Variants in UBE2R2 observed in about 807,000 individuals in gnomAD.
The protein encoded by UBE2R2 is ubiquitin-conjugating enzyme E2 R2.
UBE2R2 carries 1 observed loss-of-function variant against 27.8 expected under a neutral mutation model. The ratio of observed to expected loss-of-function variants is 0.04; its 90% confidence interval spans 0.01 to 0.17. The LOEUF (loss-of-function observed/expected upper bound fraction) is 0.17, where lower values mean the gene tolerates loss of function less well. UBE2R2 is among the 10% of genes least tolerant of loss of function. The probability of loss-of-function intolerance (pLI) is 1.00; values close to 1 mark genes in which losing one functional copy is unlikely to be tolerated. For synonymous variants in UBE2R2, 106 were observed against 113.3 expected (o/e 0.94, Z 0.41); for missense variants, 100 against 291.0 (o/e 0.34, Z 4.78).
intron 1 of UBE2R2, among the ~76,000 whole-genome samples, chr9:33,849,363 A>G (rs1820914877): frequency 6.6e-6 from 1 of 152,206 alleles, no homozygotes; most frequent in African/African-American, 2.4e-5. Context: ...AGGTGTGTAT[A>G]TACACAAACA....
At chr9:33,837,179 T>C (rs1820632347) in intron 1 of UBE2R2, among the ~76,000 whole-genome samples, 1 of 152,242 alleles carries the variant, frequency 6.6e-6, no homozygotes, top group Non-Finnish European at 1.5e-5. Context: ...TAGAACAGTC[T>C]GAATTAATTC....
chr9:33,838,768 C>G (rs1331810314), intron 1 of UBE2R2, among the ~76,000 whole-genome samples: 1 of 152,014 alleles, frequency 6.6e-6, no homozygotes, highest in Non-Finnish European at 1.5e-5. Flanking sequence ...TCTAAAGCAA[C>G]AGTATTATTG....
At chr9:33,874,452 G>A (rs1821560099) in intron 1 of UBE2R2, among the ~76,000 whole-genome samples, 1 of 151,852 alleles carries the variant, frequency 6.6e-6, no homozygotes, top group Non-Finnish European at 1.5e-5. Flanking sequence ...TTCCTCCGTT[G>A]CCCTCTGTTC....
At chr9:33,904,126 A>G (rs1363503520) in intron 3 of UBE2R2, among the ~76,000 whole-genome samples, 1 of 152,310 alleles carries the variant, frequency 6.6e-6, no homozygotes, top group East Asian at 1.9e-4. Flanking sequence ...GATGTGGAAT[A>G]CTTTCGCTTA....
chr9:33,828,737 G>GT (rs111302398), intron 1 of UBE2R2, among the ~76,000 whole-genome samples: 85 of 145,942 alleles, frequency 5.8e-4, no homozygotes, highest in Middle Eastern at 3.6e-3. Flanking sequence ...AATTTTTGTA[G>GT]TTTTTTTTTT....
intron 1 of UBE2R2, among the ~76,000 whole-genome samples, chr9:33,830,448 C>T (rs1424332697): frequency 6.7e-6 from 1 of 149,830 alleles, no homozygotes; most frequent in Admixed American, 6.6e-5. Context: ...TGAGCCACTG[C>T]GCCCGGCCTC....
intron 1 of UBE2R2, among the ~76,000 whole-genome samples, chr9:33,859,759 T>TG (rs1250359909): frequency 1.2e-4 from 14 of 117,178 alleles, no homozygotes; most frequent in Non-Finnish European, 2.1e-4. Flanking sequence ...ATCTAAGCCT[T>TG]TTGTGTGTGT....
chr9:33,838,324 C>T (rs1820659451), intron 1 of UBE2R2, among the ~76,000 whole-genome samples: 1 of 148,888 alleles, frequency 6.7e-6, no homozygotes. Context: ...TGGTAGAACC[C>T]AGGGATATGG....
intron 1 of UBE2R2, among the ~76,000 whole-genome samples, chr9:33,856,505 T>C (rs1821103931): frequency 2.0e-5 from 3 of 152,174 alleles, no homozygotes; most frequent in Admixed American, 2.0e-4. Flanking sequence ...GATTTACTAT[T>C]GTGGAACATG....
Position 33,817,652 on chromosome 9 carries a change from T to C in UBE2R2, c.-106T>C. On this transcript the variant is annotated 5_prime_UTR_variant, in exon 1 of 5. Coordinates refer to ENST00000263228, the MANE Select transcript of UBE2R2 (RefSeq NM_017811.4). ...CGGGTGTGTGAAGACCGGGGCCCGG[T>C]GCTGCCCGGCCGGAGGGCGAGCGGA... 1 of 1,143,472 alleles carries C rather than the reference T, an allele frequency of 8.7e-7. No homozygotes were observed. Among genetic ancestry groups the C allele is most frequent in the Non-Finnish European group, 1.1e-6 (1 of 934,246 alleles). The allele number at this position is 1,143,472 out of a possible 1,614,324, so 70.8% of individuals were successfully genotyped here.
intron 1 of UBE2R2, among the ~76,000 whole-genome samples, chr9:33,842,294 G>A (rs1306749906): frequency 2.0e-5 from 3 of 152,106 alleles, no homozygotes; most frequent in Non-Finnish European, 4.4e-5. Flanking sequence ...CCAGATACGC[G>A]GAAGGCTGAG....
At chr9:33,860,036 G>C (rs1292340379) in intron 1 of UBE2R2, among the ~76,000 whole-genome samples, 1 of 151,798 alleles carries the variant, frequency 6.6e-6, no homozygotes, top group East Asian at 1.9e-4. Flanking sequence ...TGAACTCCTG[G>C]CCTCAAGCAG....
chr9:33,837,606 A>G (rs554603717), intron 1 of UBE2R2, among the ~76,000 whole-genome samples: 2 of 152,068 alleles, frequency 1.3e-5, no homozygotes, highest in African/African-American at 2.4e-5. Context: ...TTATATTTTT[A>G]GTAGAGATGG....
At chr9:33,912,901 C>T (rs1351152422) in intron 4 of UBE2R2, among the ~76,000 whole-genome samples, 5 of 151,992 alleles carry the variant, frequency 3.3e-5, no homozygotes, top group Non-Finnish European at 1.5e-5. Context: ...AAGAAATTTG[C>T]AATAAATACA....
chr9:33,870,999 G>A (rs1821474677), intron 1 of UBE2R2, among the ~76,000 whole-genome samples: 2 of 152,168 alleles, frequency 1.3e-5, no homozygotes, highest in South Asian at 4.1e-4. Flanking sequence ...TTGCTCACAT[G>A]TGTAAGCCTT....
chr9:33,875,614 T>G (rs1319101063), intron 1 of UBE2R2, among the ~76,000 whole-genome samples: 1 of 152,182 alleles, frequency 6.6e-6, no homozygotes, highest in Admixed American at 6.6e-5. Context: ...GAAGTTTCTC[T>G]TAAAATTTGT....
intron 2 of UBE2R2, among the ~76,000 whole-genome samples, chr9:33,888,310 AAAAC>A (rs909594609): frequency 9.4e-5 from 14 of 148,398 alleles, no homozygotes; most frequent in African/African-American, 3.4e-4. Flanking sequence ...AAAAAACAAA[AAAAC>A]AAACAAAAAA....
At chr9:33,910,011 A>C (rs986801561) in intron 3 of UBE2R2, among the ~76,000 whole-genome samples, 1 of 152,132 alleles carries the variant, frequency 6.6e-6, no homozygotes. Context: ...CAACAACACA[A>C]TCTCTAACCT....
At chr9:33,894,557 C>T (rs770581553) in intron 2 of UBE2R2, among the ~76,000 whole-genome samples, 56 of 152,090 alleles carry the variant, frequency 3.7e-4, no homozygotes, top group Non-Finnish European at 7.1e-4. Flanking sequence ...CATCCACCTC[C>T]CAAGTAGCTG....
Sources: gnomAD v4.1 joint callset for allele counts (sites outside exome capture counted in the v4.1 genomes callset) on GRCh38, gnomAD v4.1.1 for gene constraint, MANE v1.5 for transcripts, NCBI Gene and HGNC (gene_info 2026-07-23, HGNC 2026-07-21) for gene names.